Variants in PCNX4 observed in about 807,000 individuals in gnomAD.
PCNX4 encodes pecanex 4, also known as pecanex-like protein 4.
A neutral mutation model predicts 107.2 loss-of-function variants in PCNX4; 103 were observed. The ratio of observed to expected loss-of-function variants is 0.96; its 90% CI spans 0.82 to 1.13. The LOEUF (loss-of-function observed/expected upper bound fraction) is 1.13. PCNX4 is among the 50% of genes most tolerant of loss of function. PCNX4 has a pLI of 0.00. For synonymous variants in PCNX4, 541 were observed against 481.7 expected, an observed-to-expected ratio of 1.12 and a Z score of -1.61; for missense variants, 1,528 against 1,379.4, an observed-to-expected ratio of 1.11 and a Z score of -1.71.
At chr14:60,133,612 T>G in intron 10 of PCNX4, 1 of 468,010 alleles carries the variant, frequency 2.1e-6, no homozygotes, top group East Asian at 6.4e-5. Context: ...TCAACAAAGC[T>G]GTTTCTTTAA....
At chr14:60,130,323 TATAAA>T (rs1227114344) in intron 10 of PCNX4, among the ~76,000 whole-genome samples, 9 of 146,684 alleles carry the variant, frequency 6.1e-5, no homozygotes, top group African/African-American at 2.3e-4. Context: ...ATATGTAATA[TATAAA>T]ATAAAAGACA....
At chr14:60,116,203 C>G in intron 6 of PCNX4, 143 bp downstream of exon 6, 3 of 792,638 alleles carry the variant, frequency 3.8e-6, no homozygotes, top group Non-Finnish European at 5.7e-6. Context: ...GAAACCTCAA[C>G]TGTTATTTCC....
In PCNX4 at chr14:60,142,379, A is replaced by C. The variant is rs1896316790; in HGVS notation, c.*8158A>C. 6.6e-6 allele frequency: 1 copy of C among 152,208 alleles called. No homozygotes were observed. The highest frequency in any genetic ancestry group is 2.4e-5 in the African/African-American group (1 of 41,460). The allele number at this position is 152,208 out of a possible 1,614,324, so 9.4% of individuals were successfully genotyped here. On this transcript the variant is annotated 3_prime_UTR_variant, in exon 11 of 11. Coordinates refer to ENST00000406854, the MANE Select transcript of PCNX4 (RefSeq NM_001330177.2). The surrounding 1 kb of genome is among the most constrained non-coding windows in gnomAD (Gnocchi z 4.7). ...AGTAGTTGAGGAAACGAAAGCCGTC[A>C]CTTCTGCTAACTCTTTTACCAACTC...
At chr14:60,096,849 C>T (rs916714721) in intron 1 of PCNX4, among the ~76,000 whole-genome samples, 5 of 152,144 alleles carry the variant, frequency 3.3e-5, no homozygotes, top group Non-Finnish European at 5.9e-5. Context: ...ATTTAAAAGG[C>T]CTGTGTAACA....
intron 8 of PCNX4, among the ~76,000 whole-genome samples, chr14:60,122,708 A>C (rs930352676): frequency 6.6e-6 from 1 of 152,204 alleles, no homozygotes; most frequent in Non-Finnish European, 1.5e-5. Context: ...TAGTATCATA[A>C]GCACAGGGAT....
chr14:60,130,057 G>A (rs946799190), intron 10 of PCNX4, among the ~76,000 whole-genome samples: 3 of 151,996 alleles, frequency 2.0e-5, no homozygotes, highest in Middle Eastern at 3.2e-3. Context: ...AGAGATTATC[G>A]GATTGGATTT....
rs1261238643 is a variant in PCNX4, at chr14:60,142,521, G to A, written c.*8300G>A. The A allele has an allele frequency of 2.6e-5, 4 of 152,042 alleles. No homozygotes were observed. The highest frequency in any genetic ancestry group is 1.9e-4 in the East Asian group (1 of 5,194). The allele number at this position is 152,042 out of a possible 1,614,324, so 9.4% of individuals were successfully genotyped here. ...AATGATTAAGAAATACATTGATGCC[G>A]AGTAATAAATACTTTAAAAAAAGTT... On this transcript the variant is annotated 3_prime_UTR_variant, in exon 11 of 11. Coordinates refer to ENST00000406854, the MANE Select transcript of PCNX4 (RefSeq NM_001330177.2). The surrounding 1 kb of genome is among the most constrained non-coding windows in gnomAD (Gnocchi z 4.7).
rs1363280921 is a variant in PCNX4 at position 60,145,049 on chromosome 14, A to G, written c.*10828A>G. On this transcript the variant is annotated 3_prime_UTR_variant, in exon 11 of 11. Transcript: ENST00000406854. This position sits in a 1 kb window ranked among gnomAD's most constrained non-coding sequence, Gnocchi z 4.0. ...GGGACAGAAACATGGATCAGTACCTACTCCTATTTACTCCAGTTTTTAACA... is the reference window on the plus strand; with the variant it reads ...GGGACAGAAACATGGATCAGTACCTGCTCCTATTTACTCCAGTTTTTAACA... 7.3e-7 allele frequency: 1 copy of G among 1,365,314 alleles called. No homozygotes were observed. Among genetic ancestry groups the G allele is most frequent in the Admixed American group, 2.5e-5 (1 of 40,106 alleles). 84.6% of individuals were successfully genotyped at this position (1,365,314 alleles called of 1,614,324 possible).
Position 60,125,675 on chromosome 14 carries a change from G to C in PCNX4, c.3119G>C (p.Gly1040Ala). 1 of 1,574,062 alleles carries C rather than the reference G, an allele frequency of 6.4e-7. No homozygotes were observed. Among genetic ancestry groups the C allele is most frequent in the Admixed American group, 1.9e-5 (1 of 53,592 alleles). Residue 1040 changes from glycine to alanine, a missense_variant, in exon 10 of 11, where the codon GGT (glycine) becomes GCT (alanine). Coordinates refer to ENST00000406854, the MANE Select transcript of PCNX4 (RefSeq NM_001330177.2). ...LKLMIDKASL[G>A]PIEDFRELIK... ...CTAATGATTGATAAAGCAAGTTTAG[G>C]TCCAATAGAAGACTTTAGAGAACTG... is the stretch of plus-strand genomic sequence containing the variant.
chr14:60,118,595 C>T lies in PCNX4; in HGVS notation c.1845C>T (p.Gly615=), dbSNP rs372535831. 2.2e-4 allele frequency: 351 copies of T among 1,613,798 alleles called. 1 individual carries two copies. The African/African-American group carries it at 3.6e-3, about 16-fold the overall frequency. The change falls in exon 7 of 11, where the codon GGC becomes GGT. Residue 615 remains glycine, a synonymous_variant. Coordinates refer to ENST00000406854, the MANE Select transcript of PCNX4 (RefSeq NM_001330177.2). The part of the protein sequence containing the change: ...RPIQSWPGAA[G]TTACVCADTV... ...TTCAGAGTTGGCCAGGAGCAGCAGG[C>T]ACCACAGCCTGTGTGTGTGCAGATA...
At position 60,136,814 on chromosome 14, in the gene PCNX4, A is replaced by C. The variant is rs1472568368; in HGVS notation, c.*2593A>C. The C allele has an allele frequency of 6.6e-6, 1 of 152,528 alleles. No homozygotes were observed. Among genetic ancestry groups the C allele is most frequent in the African/African-American group, 2.4e-5 (1 of 41,424 alleles). 9.4% of individuals were successfully genotyped at this position (152,528 alleles called of 1,614,324 possible). ...GTATTCCTTGGAACTTTGCCCAGCAAGATATGATAGGGATATTTCTTAGGT... is the reference window on the plus strand; with the variant it reads ...GTATTCCTTGGAACTTTGCCCAGCACGATATGATAGGGATATTTCTTAGGT... On this transcript the variant is annotated 3_prime_UTR_variant, in exon 11 of 11. Transcript: ENST00000406854.
intron 7 of PCNX4, 45 bp from the exon 8 acceptor site, chr14:60,121,151 A>G: frequency 1.3e-6 from 2 of 1,551,664 alleles, no homozygotes. Context: ...AGAAGTTTGA[A>G]AATGATTTTC....
intron 2 of PCNX4, among the ~76,000 whole-genome samples, chr14:60,112,834 T>TCAC (rs1895764089): frequency 1.3e-5 from 2 of 152,216 alleles, no homozygotes; most frequent in Non-Finnish European, 2.9e-5. Context: ...TTTAACAAAG[T>TCAC]ATTGTCCTCT....
intron 1 of PCNX4, among the ~76,000 whole-genome samples, chr14:60,096,894 T>G (rs567612864): frequency 1.3e-5 from 2 of 152,222 alleles, no homozygotes; most frequent in Non-Finnish European, 2.9e-5. Flanking sequence ...TCCAAATAAT[T>G]AAGCCAAGTA....
intron 1 of PCNX4, among the ~76,000 whole-genome samples, chr14:60,094,948 G>T (rs1028419237): frequency 5.3e-5 from 8 of 152,092 alleles, no homozygotes; most frequent in African/African-American, 1.7e-4. Context: ...AGTAATTCAT[G>T]TGAGTAGCAG....
rs1896236477 is a variant in PCNX4 at position 60,136,098 on chromosome 14, C to T, written c.*1877C>T. On this transcript the variant is annotated 3_prime_UTR_variant, in exon 11 of 11. Transcript: ENST00000406854. ...CAATCTGGATCCCATCTCCATGACT[C>T]TCCCAAATTAAAAAAAAAAAAAGTT... is the stretch of plus-strand genomic sequence containing the variant. 2 of 142,920 alleles carry T rather than the reference C, an allele frequency of 1.4e-5. No homozygotes were observed. The highest frequency in any genetic ancestry group is 5.8e-5 in the African/African-American group (2 of 34,708). The allele number at this position is 142,920 out of a possible 1,614,324, so 8.9% of individuals were successfully genotyped here. A position where few individuals can be genotyped will look rare whatever the true frequency, so the allele number is the denominator to read the frequency against.
intron 10 of PCNX4, among the ~76,000 whole-genome samples, chr14:60,126,895 G>C (rs997215668): frequency 1.3e-5 from 2 of 152,194 alleles, no homozygotes; most frequent in African/African-American, 4.8e-5. Flanking sequence ...AAGCTAGAGA[G>C]ACCTGAGGCT....
In PCNX4 at chr14:60,095,162, G is replaced by A. The variant is rs115532235; in HGVS notation, c.-54+2743G>A. On this transcript the variant is annotated intron_variant, in intron 1 of 10. Coordinates refer to ENST00000406854, the MANE Select transcript of PCNX4 (RefSeq NM_001330177.2). ...GGTCTCCAAATTTAAAGGGGAAAGG[G>A]CAGGATGTTGAGAAGTACACAATTG... Among the ~76,000 whole-genome samples the A allele has an allele frequency of 7.1e-3, 1,087 of 152,306 alleles. 9 individuals carry two copies. Among genetic ancestry groups the A allele is most frequent in the African/African-American group, 0.024 (1,013 of 41,564 alleles).
intron 2 of PCNX4, among the ~76,000 whole-genome samples, chr14:60,112,060 A>C (rs1895750042): frequency 6.6e-6 from 1 of 152,190 alleles, no homozygotes; most frequent in South Asian, 2.1e-4. Context: ...GGAGCAGAAG[A>C]GGCGAACCCC....
Sources: allele counts gnomAD v4.1 joint callset (sites outside exome capture counted in the v4.1 genomes callset), GRCh38; gene constraint gnomAD v4.1.1; non-coding constraint Gnocchi (gnomAD v3.1); transcripts MANE v1.5; gene names NCBI Gene and HGNC (gene_info 2026-07-23, HGNC 2026-07-21).